RAPGEF2: variants seen among roughly 807,000 people sequenced by gnomAD.
RAPGEF2 encodes the protein PDZ domain containing guanine nucleotide exchange factor (GEF) 1.
Under a neutral mutation model 186.7 loss-of-function variants are expected in RAPGEF2, and 54 were observed. That is an observed-to-expected ratio of 0.29 (90% CI 0.23 to 0.36). The LOEUF is 0.36. RAPGEF2 is among the 10% of genes least tolerant of loss of function. The pLI is 1.00. For synonymous variants in RAPGEF2, 712 were observed against 705.9 expected, an observed-to-expected ratio of 1.01 and a Z score of -0.14; for missense variants, 1,532 against 2,045.0, an observed-to-expected ratio of 0.75 and a Z score of 4.84.
chr4:159,286,030 A>AACCACCACC (rs35426817), intron 7 of RAPGEF2, among the ~76,000 whole-genome samples: 3,730 of 89,208 alleles, frequency 0.042, 162 homozygotes, highest in East Asian at 0.07. Flanking sequence ...TGTTCCCCCC[A>AACCACCACC]ACCACCACCA....
At chr4:159,161,768 G>A (rs1454939984) in intron 1 of RAPGEF2, among the ~76,000 whole-genome samples, 4 of 152,144 alleles carry the variant, frequency 2.6e-5, no homozygotes, top group Non-Finnish European at 4.4e-5. Flanking sequence ...GTTAATCACA[G>A]CCAAACATAA....
At chr4:159,348,400 C>T (rs1415731997) in intron 25 of RAPGEF2, among the ~76,000 whole-genome samples, 4 of 152,154 alleles carry the variant, frequency 2.6e-5, no homozygotes, top group Admixed American at 1.3e-4. Flanking sequence ...GGGTGAGAGT[C>T]ATTTCGTAGA....
intron 1 of RAPGEF2, among the ~76,000 whole-genome samples, chr4:159,181,708 T>C (rs1459729802): frequency 1.3e-5 from 2 of 151,962 alleles, no homozygotes; most frequent in African/African-American, 4.8e-5. Context: ...GCTAATTTTT[T>C]GTATTTTTAG....
intron 1 of RAPGEF2, among the ~76,000 whole-genome samples, chr4:159,169,601 C>T (rs1745690844): frequency 6.6e-6 from 1 of 152,048 alleles, no homozygotes; most frequent in African/African-American, 2.4e-5. Flanking sequence ...TCCCCAGCCC[C>T]TTGTGACCAC....
intron 7 of RAPGEF2, among the ~76,000 whole-genome samples, chr4:159,291,895 AT>A (rs1485799623): frequency 6.6e-6 from 1 of 152,096 alleles, no homozygotes; most frequent in Non-Finnish European, 1.5e-5. Flanking sequence ...AAAGTAATTC[AT>A]ATTTATATTT....
At chr4:159,330,579 A>G (rs1051644236) in intron 13 of RAPGEF2, 81 bp downstream of exon 13, 35 of 1,020,038 alleles carry the variant, frequency 3.4e-5, no homozygotes, top group African/African-American at 6.7e-5. Flanking sequence ...TGTCACAGCA[A>G]TTATGTCCAG....
chr4:159,104,603 C>G (rs2111040019), intron 1 of RAPGEF2, among the ~76,000 whole-genome samples: 1 of 151,604 alleles, frequency 6.6e-6, no homozygotes, highest in African/African-American at 2.4e-5. Flanking sequence ...CTCTAGCTTT[C>G]CCTCTCCCCA....
chr4:159,163,208 A>G (rs1257987316), intron 1 of RAPGEF2, among the ~76,000 whole-genome samples: 1 of 152,190 alleles, frequency 6.6e-6, no homozygotes, highest in African/African-American at 2.4e-5. Flanking sequence ...TTATTCCAAT[A>G]ATTTTATACA....
chr4:159,330,260 T>C lies in RAPGEF2; in HGVS notation c.1303-74T>C, dbSNP rs916768113. 15 of 859,390 alleles carry C rather than the reference T, an allele frequency of 1.7e-5. No individual in the cohort carries two copies. The African/African-American group carries it at 2.6e-4, about 15-fold the overall frequency. 53.2% of individuals were successfully genotyped at this position (859,390 alleles called of 1,614,324 possible). On this transcript the variant is annotated intron_variant, in intron 12 of 29. Coordinates refer to ENST00000691494, the MANE Select transcript of RAPGEF2 (RefSeq NM_001394067.2). Reference sequence around the variant, plus strand: ...AATGTCATATATGTGTGTGTGTATATGTATATGTGTGTGTGTGTGTGTGTG... The same window carrying C: ...AATGTCATATATGTGTGTGTGTATACGTATATGTGTGTGTGTGTGTGTGTG...
rs958050258 is a variant in RAPGEF2, at chr4:159,275,859, G to GA, written c.544-28474dup. On this transcript the variant is annotated intron_variant, in intron 7 of 29. Coordinates refer to ENST00000691494, the MANE Select transcript of RAPGEF2 (RefSeq NM_001394067.2). ...TTTTCATTCCCTCTCTTTTCTTAGGGAAAAAAAAACGGGTAACCCAGACAC... is the reference window on the plus strand; with the variant it reads ...TTTTCATTCCCTCTCTTTTCTTAGGGAAAAAAAAAACGGGTAACCCAGACAC... Among the ~76,000 whole-genome samples, 119 of 148,648 alleles carry GA rather than the reference G, an allele frequency of 8.0e-4. No individual in the cohort carries two copies. The East Asian group carries it at 0.012, about 15-fold the overall frequency.
intron 3 of RAPGEF2, among the ~76,000 whole-genome samples, chr4:159,198,334 CTT>C (rs142277266): frequency 1.4e-4 from 12 of 83,980 alleles, no homozygotes; most frequent in Admixed American, 3.4e-4. Flanking sequence ...TTCTTTCTTT[CTT>C]TTTCTTTCTC....
chr4:159,261,697 G>A (rs1462807958), intron 7 of RAPGEF2, among the ~76,000 whole-genome samples: 1 of 152,172 alleles, frequency 6.6e-6, no homozygotes, highest in East Asian at 1.9e-4. Context: ...GATTACAGTA[G>A]AATTTTCTGT....
rs763967165 is a variant in RAPGEF2, at chr4:159,316,535, T to G, written c.853+1767T>G. Among the ~76,000 whole-genome samples, 6 of 152,182 alleles carry G rather than the reference T, an allele frequency of 3.9e-5. No individual in the cohort carries two copies. The South Asian group carries it at 1.2e-3, about 32-fold the overall frequency. ...TCTGTGTGTTCATGTGTTCTCATCA[T>G]TTAGCTCCCACTTACAGGTAAAAAC... On this transcript the variant is annotated intron_variant, in intron 9 of 29. Transcript: ENST00000691494.
Position 159,353,916 on chromosome 4 carries a change from G to A in RAPGEF2, c.4521G>A (p.Arg1507=). 6.2e-7 allele frequency: 1 copy of A among 1,614,220 alleles called. No individual in the cohort carries two copies. The highest frequency in any genetic ancestry group is 8.5e-7 in the Non-Finnish European group (1 of 1,180,046). Residue 1507 remains arginine, a synonymous_variant, in exon 28 of 30, where the codon CGG becomes CGA. Coordinates refer to ENST00000691494, the MANE Select transcript of RAPGEF2 (RefSeq NM_001394067.2). This position sits in a 1 kb window ranked among gnomAD's most constrained non-coding sequence, Gnocchi z 4.3. ...AAGGTGACACAGGCACAATAAAGCG[G>A]AGGGGTGGAAAGGATGTTTCCATTG... is the stretch of plus-strand genomic sequence containing the variant. ...DSEGDTGTIK[R]RGGKDVSIEA...
intron 7 of RAPGEF2, among the ~76,000 whole-genome samples, chr4:159,273,141 T>C (rs1200743023): frequency 2.0e-5 from 3 of 152,244 alleles, no homozygotes; most frequent in African/African-American, 7.2e-5. Context: ...TTGTCTGTTA[T>C]AACAGATATA....
chr4:159,209,201 A>G (rs545845825), intron 3 of RAPGEF2, among the ~76,000 whole-genome samples: 120 of 152,138 alleles, frequency 7.9e-4, no homozygotes, highest in African/African-American at 2.6e-3. Context: ...CAAAAAAAAA[A>G]AAAAAAAAAC....
intron 25 of RAPGEF2, among the ~76,000 whole-genome samples, chr4:159,349,789 A>G (rs1006420172): frequency 6.6e-6 from 1 of 152,174 alleles, no homozygotes; most frequent in Admixed American, 6.5e-5. Context: ...TTCCATCCTA[A>G]ATTCAGTGTT....
At chr4:159,314,159 G>A (rs770419750) in intron 8 of RAPGEF2, among the ~76,000 whole-genome samples, 6 of 152,146 alleles carry the variant, frequency 3.9e-5, no homozygotes, top group Admixed American at 3.9e-4. Context: ...TTTCCATAAG[G>A]ACTGTCTAAT....
chr4:159,359,740 T>C lies in RAPGEF2; in HGVS notation c.*1601T>C, dbSNP rs1426265118. ...ATTTGTCTACTTGCTTATTACATTG[T>C]CAATTATGCATTTGTAATTTTACAT... On this transcript the variant is annotated 3_prime_UTR_variant, in exon 30 of 30. Transcript: ENST00000691494. 2 of 152,236 alleles carry C rather than the reference T, an allele frequency of 1.3e-5. No individual in the cohort carries two copies. The highest frequency in any genetic ancestry group is 2.9e-5 in the Non-Finnish European group (2 of 68,042). 9.4% of individuals were successfully genotyped at this position (152,236 alleles called of 1,614,324 possible).
Sources: gnomAD v4.1 joint callset for allele counts (sites outside exome capture counted in the v4.1 genomes callset) on GRCh38, gnomAD v4.1.1 for gene constraint, Gnocchi (gnomAD v3.1) non-coding constraint, MANE v1.5 for transcripts, NCBI Gene and HGNC (gene_info 2026-07-23, HGNC 2026-07-21) for gene names.